HCN1: variants seen among roughly 807,000 people sequenced by gnomAD.
HCN1 encodes hyperpolarization activated cyclic nucleotide gated potassium channel 1.
HCN1 carries 13 observed loss-of-function variants against 78.9 expected under a neutral mutation model. The ratio of observed to expected loss-of-function variants is 0.16; its 90% CI spans 0.11 to 0.26. The LOEUF is 0.26. Ranked by LOEUF, HCN1 falls within the 10% of genes least tolerant of loss-of-function variation. The pLI is 1.00. For synonymous variants in HCN1, 552 were observed against 455.5 expected (o/e 1.21, Z -2.70); for missense variants, 810 against 1,154.3 (o/e 0.70, Z 4.32).
intron 5 of HCN1, among the ~76,000 whole-genome samples, chr5:45,313,607 T>C (rs544316238): frequency 6.6e-6 from 1 of 152,094 alleles, no homozygotes; most frequent in Admixed American, 6.5e-5. Context: ...GCAAAGAAGC[T>C]AAAAACCTTG....
intron 4 of HCN1, among the ~76,000 whole-genome samples, chr5:45,373,852 T>C (rs1410659294): frequency 7.5e-6 from 1 of 133,646 alleles, no homozygotes. Context: ...TTACATACGG[T>C]ATATACGTCA....
intron 4 of HCN1, among the ~76,000 whole-genome samples, chr5:45,370,317 A>G (rs998357386): frequency 6.6e-6 from 1 of 152,052 alleles, no homozygotes; most frequent in South Asian, 2.1e-4. Flanking sequence ...AACTTGATTT[A>G]TAGGTACTCC....
At chr5:45,415,932 T>C (rs1740109425) in intron 3 of HCN1, among the ~76,000 whole-genome samples, 1 of 152,080 alleles carries the variant, frequency 6.6e-6, no homozygotes, top group African/African-American at 2.4e-5. Flanking sequence ...TTTGATAATG[T>C]ACCTTAAGTT....
chr5:45,691,268 C>T (rs1158603384), intron 1 of HCN1, among the ~76,000 whole-genome samples: 1 of 151,886 alleles, frequency 6.6e-6, no homozygotes, highest in Non-Finnish European at 1.5e-5. Flanking sequence ...GTAAAGTGTA[C>T]CTCTTTACTG....
intron 1 of HCN1, among the ~76,000 whole-genome samples, chr5:45,682,649 A>G (rs1038625809): frequency 7.9e-5 from 12 of 152,104 alleles, no homozygotes; most frequent in Non-Finnish European, 1.5e-5. Flanking sequence ...CAAACAAAAA[A>G]AAGCACCTCA....
At chr5:45,347,736 G>A (rs1323184624) in intron 5 of HCN1, among the ~76,000 whole-genome samples, 7 of 152,234 alleles carry the variant, frequency 4.6e-5, no homozygotes, top group South Asian at 2.1e-4. Context: ...CTCAGGAGCC[G>A]ATGCGATCAA....
chr5:45,425,552 C>A (rs1356412171), intron 3 of HCN1, among the ~76,000 whole-genome samples: 1 of 151,998 alleles, frequency 6.6e-6, no homozygotes, highest in African/African-American at 2.4e-5. Flanking sequence ...AAAGAGAGGG[C>A]AGGAGAAATA....
At chr5:45,643,785 G>A (rs1745498281) in intron 2 of HCN1, 1 of 152,150 alleles carries the variant, frequency 6.6e-6, no homozygotes, top group Non-Finnish European at 1.5e-5. Context: ...TAGCTGACGT[G>A]TAATAAGCCT....
At position 45,645,615 on chromosome 5, in the gene HCN1, C is replaced by A. The variant is rs765966511; in HGVS notation, c.426-7G>T. The A allele has an allele frequency of 6.3e-7, 1 of 1,575,750 alleles. No homozygotes were observed. The highest frequency in any genetic ancestry group is 1.7e-5 in the Admixed American group (1 of 57,370). On this transcript the variant is annotated splice_polypyrimidine_tract_variant and splice_region_variant and intron_variant, in intron 1 of 7. Coordinates refer to ENST00000303230, the MANE Select transcript of HCN1 (RefSeq NM_021072.4). ...TATTAAATCCCAGTAAAACCTACAA[C>A]AAATAAAAAAATCAGATTTTAAGAT...
intron 6 of HCN1, among the ~76,000 whole-genome samples, chr5:45,282,584 T>C (rs1007421980): frequency 1.3e-5 from 2 of 152,208 alleles, no homozygotes; most frequent in African/African-American, 4.8e-5. Flanking sequence ...TTCAAATTCC[T>C]TAATCTGGCT....
intron 2 of HCN1, among the ~76,000 whole-genome samples, chr5:45,574,056 G>C (rs1177021361): frequency 2.0e-5 from 3 of 151,852 alleles, no homozygotes. Flanking sequence ...ATGGTAAAAG[G>C]GAAGTATATG....
chr5:45,271,487 C>G (rs1744960470), intron 6 of HCN1, among the ~76,000 whole-genome samples: 1 of 151,876 alleles, frequency 6.6e-6, no homozygotes, highest in African/African-American at 2.4e-5. Context: ...TAGTCTCAGT[C>G]AACTTGCTCT....
intron 2 of HCN1, among the ~76,000 whole-genome samples, chr5:45,618,066 A>AT: frequency 6.6e-6 from 1 of 152,218 alleles, no homozygotes; most frequent in South Asian, 2.1e-4. Context: ...AAATTCAGAT[A>AT]TAATAGTTTA....
chr5:45,458,061 ACTG>A (rs1741063191), intron 3 of HCN1, among the ~76,000 whole-genome samples: 1 of 152,130 alleles, frequency 6.6e-6, no homozygotes, highest in Non-Finnish European at 1.5e-5. Flanking sequence ...AAAGGAATTC[ACTG>A]AGAGAGATTG....
intron 1 of HCN1, among the ~76,000 whole-genome samples, chr5:45,695,417 C>T (rs907019953): frequency 1.3e-5 from 2 of 152,280 alleles, no homozygotes; most frequent in African/African-American, 2.4e-5. Context: ...GATCTGTCCC[C>T]GAAGTTCAGG....
chr5:45,545,550 A>G (rs1354335282), intron 2 of HCN1, among the ~76,000 whole-genome samples: 2 of 151,998 alleles, frequency 1.3e-5, no homozygotes, highest in East Asian at 3.9e-4. Flanking sequence ...GGTATTGCCT[A>G]GGTTTTCTTC....
intron 5 of HCN1, among the ~76,000 whole-genome samples, chr5:45,346,287 C>A (rs943102189): frequency 2.6e-5 from 4 of 152,132 alleles, no homozygotes; most frequent in African/African-American, 7.2e-5. Context: ...AAGACCAAAC[C>A]ATAATTCATT....
intron 2 of HCN1, among the ~76,000 whole-genome samples, chr5:45,619,506 T>C (rs1327181875): frequency 1.3e-5 from 2 of 152,088 alleles, no homozygotes; most frequent in Non-Finnish European, 2.9e-5. Context: ...TAGTATCGAA[T>C]AGGAACTGAA....
At position 45,513,094 on chromosome 5, in the gene HCN1, G is replaced by A. The variant is rs551116980; in HGVS notation, c.850-51087C>T. Among the ~76,000 whole-genome samples, 25 of 152,132 alleles carry A rather than the reference G, an allele frequency of 1.6e-4. No individual in the cohort carries two copies. In the East Asian group the frequency reaches 4.5e-3, roughly 27 times the overall value. The stretch of plus-strand genomic sequence containing the variant: ...TATATTTCGAAGACACCCATAGGGC[G>A]TTAAGGACACATATGCACAATACAC... On this transcript the variant is annotated intron_variant, in intron 2 of 7. Coordinates refer to ENST00000303230, the MANE Select transcript of HCN1 (RefSeq NM_021072.4).
Sources: allele counts gnomAD v4.1 joint callset (sites outside exome capture counted in the v4.1 genomes callset), GRCh38; gene constraint gnomAD v4.1.1; transcripts MANE v1.5; gene names NCBI Gene and HGNC (gene_info 2026-07-23, HGNC 2026-07-21).